The following ITK variants were observed in gnomAD, a reference collection of about 807,000 sequenced individuals.
ITK encodes IL2 inducible T cell kinase, also known as tyrosine-protein kinase ITK/TSK.
ITK carries 45 observed loss-of-function variants against 87.6 expected under a neutral mutation model. The observed-to-expected ratio is 0.51, with a 90% CI of 0.40 to 0.66. ITK has a LOEUF of 0.66. Among genes scored for constraint, ITK ranks in the 30% least tolerant of loss-of-function variants. ITK has a pLI of 0.00. For synonymous variants in ITK, 303 were observed against 273.6 expected (o/e 1.11, Z -1.06); for missense variants, 605 against 766.3 (o/e 0.79, Z 2.48).
At chr5:157,234,066 C>T (rs552516361) in intron 8 of ITK, among the ~76,000 whole-genome samples, 35 of 143,432 alleles carry the variant, frequency 2.4e-4, no homozygotes, top group East Asian at 4.2e-4. Flanking sequence ...CTGCAACCTC[C>T]GCTGCCTGGG....
intron 3 of ITK, chr5:157,213,825 A>G (rs548746502): frequency 5.5e-6 from 2 of 361,814 alleles, no homozygotes; most frequent in South Asian, 2.3e-5. Context: ...GGGGGTGGTA[A>G]TTCCACCTTC....
intron 8 of ITK, 112 bp from the exon 9 acceptor site, chr5:157,237,997 A>G (rs1754811352): frequency 2.6e-6 from 2 of 769,688 alleles, no homozygotes; most frequent in Admixed American, 1.9e-5. Flanking sequence ...AATCTGCTCT[A>G]TGCCAAGTGG....
intron 8 of ITK, among the ~76,000 whole-genome samples, chr5:157,234,414 T>C (rs1320834339): frequency 6.6e-6 from 1 of 152,222 alleles, no homozygotes; most frequent in Admixed American, 6.5e-5. Context: ...TTTCTTGCTA[T>C]TTTTCACTTT....
intron 1 of ITK, among the ~76,000 whole-genome samples, chr5:157,196,545 G>C (rs1753858643): frequency 6.6e-6 from 1 of 152,100 alleles, no homozygotes; most frequent in African/African-American, 2.4e-5. Context: ...GGGCAGACTA[G>C]TTTTAACCTA....
intron 4 of ITK, among the ~76,000 whole-genome samples, chr5:157,217,596 CAGAA>C (rs908337614): frequency 1.3e-5 from 2 of 152,124 alleles, no homozygotes; most frequent in African/African-American, 4.8e-5. Context: ...CCTGGGAATA[CAGAA>C]AGAGAGGGCC....
chr5:157,196,065 A>G (rs573071898), intron 1 of ITK, among the ~76,000 whole-genome samples: 85 of 152,336 alleles, frequency 5.6e-4, no homozygotes, highest in Non-Finnish European at 3.8e-4. Flanking sequence ...TCTAGTGGGT[A>G]GAAGCTGAGG....
chr5:157,181,896 T>C (rs1228385909), intron 1 of ITK, among the ~76,000 whole-genome samples: 1 of 152,232 alleles, frequency 6.6e-6, no homozygotes, highest in Admixed American at 6.5e-5. Flanking sequence ...ATCCTAATAA[T>C]GTAGTTTGGT....
At chr5:157,213,582 A>G (rs990454070) in intron 3 of ITK, 2 of 454,156 alleles carry the variant, frequency 4.4e-6, no homozygotes, top group Non-Finnish European at 8.8e-6. Flanking sequence ...GGGTCTCGCT[A>G]TGTTGCCTAG....
chr5:157,230,829 T>C (rs961352610), intron 7 of ITK, among the ~76,000 whole-genome samples: 8 of 152,050 alleles, frequency 5.3e-5, no homozygotes, highest in African/African-American at 1.9e-4. Context: ...ATAAAAAAAG[T>C]CATTCACCCA....
chr5:157,222,658 T>C, intron 5 of ITK: 1 of 597,770 alleles, frequency 1.7e-6, no homozygotes, highest in South Asian at 1.9e-5. Context: ...TGGAATTCAC[T>C]GTGGTCAGAA....
chr5:157,188,792 ATTTCCCATCT>A (rs1386849383), intron 1 of ITK, among the ~76,000 whole-genome samples: 13 of 152,072 alleles, frequency 8.5e-5, no homozygotes, highest in African/African-American at 2.9e-4. Context: ...TTGTTGATTT[ATTTCCCATCT>A]CTTCAAAGCA....
At chr5:157,223,842 G>A (rs1159448409) in intron 6 of ITK, among the ~76,000 whole-genome samples, 1 of 152,094 alleles carries the variant, frequency 6.6e-6, no homozygotes, top group Non-Finnish European at 1.5e-5. Flanking sequence ...CAAGGTATGA[G>A]GTTATTATTA....
chr5:157,222,797 G>A (rs1291674347), intron 5 of ITK, 66 bp from the exon 6 acceptor site: 32 of 1,524,806 alleles, frequency 2.1e-5, no homozygotes, highest in East Asian at 9.0e-5. Context: ...CAGACACCCC[G>A]ATGAAAGGAG....
Position 157,222,938 on chromosome 5 carries a change from GCAC to G in ITK, c.572_574del (p.Ala191_Leu192delinsVal). On this transcript the variant is annotated inframe_deletion, in exon 6 of 17. Transcript: ENST00000422843. Reference sequence around the variant, plus strand: ...CCAAACCAATGATCCTCAGGAACTCGCACTGCGGCGCAACGAAGAGTACTGCCT... The same window carrying G: ...CCAAACCAATGATCCTCAGGAACTCGTGCGGCGCAACGAAGAGTACTGCCT... The G allele has an allele frequency of 6.2e-7, 1 of 1,614,058 alleles. No individual in the cohort carries two copies. The highest frequency in any genetic ancestry group is 8.5e-7 in the Non-Finnish European group (1 of 1,180,012).
intron 8 of ITK, among the ~76,000 whole-genome samples, 195 bp downstream of exon 8, chr5:157,232,589 G>A (rs993722127): frequency 3.0e-5 from 4 of 133,610 alleles, no homozygotes; most frequent in Non-Finnish European, 3.2e-5. Flanking sequence ...AAAGAAGAAA[G>A]AGAGGAAGGG....
rs1754734096 is a variant in ITK, at chr5:157,234,391, A to G, written c.768+1997A>G. Among the ~76,000 whole-genome samples the G allele has an allele frequency of 3.9e-5, 6 of 152,142 alleles. No homozygotes were observed. The South Asian group carries it at 1.2e-3, about 31-fold the overall frequency. On this transcript the variant is annotated intron_variant, in intron 8 of 16. Coordinates refer to ENST00000422843, the MANE Select transcript of ITK (RefSeq NM_005546.4). ...CAGACTCAGCCCAGATTCTGGATAG[A>G]ATTGAATGACATTTTCTTGCTATTT...
At chr5:157,194,159 T>A (rs988049521) in intron 1 of ITK, among the ~76,000 whole-genome samples, 4 of 152,146 alleles carry the variant, frequency 2.6e-5, no homozygotes, top group African/African-American at 9.7e-5. Context: ...GTTACCCAAG[T>A]AGAATTACAT....
In ITK at chr5:157,254,544, C is replaced by T. The variant is rs111629533; in HGVS notation, c.*1866C>T. On this transcript the variant is annotated 3_prime_UTR_variant, in exon 17 of 17. Transcript: ENST00000422843. ...AATTGGCTCTTTCTAAATCATGTGA[C>T]GTTTTGACTGGCTTGAGATTCAGAT... 2.7e-3 allele frequency: 605 copies of T among 220,424 alleles called. 2 individuals are homozygous for T. Among genetic ancestry groups the T allele is most frequent in the East Asian group, 0.016 (238 of 14,974 alleles). The allele number at this position is 220,424 out of a possible 1,614,324, so 13.7% of individuals were successfully genotyped here. A position where few individuals can be genotyped will look rare whatever the true frequency, so the allele number is the denominator to read the frequency against.
chr5:157,228,819 G>T (rs1488737989), intron 7 of ITK, among the ~76,000 whole-genome samples: 1 of 152,000 alleles, frequency 6.6e-6, no homozygotes, highest in South Asian at 2.1e-4. Flanking sequence ...GTAGAGACAG[G>T]ATCTCACTAG....
Sources: allele counts gnomAD v4.1 joint callset (sites outside exome capture counted in the v4.1 genomes callset), GRCh38; gene constraint gnomAD v4.1.1; transcripts MANE v1.5; gene names NCBI Gene and HGNC (gene_info 2026-07-23, HGNC 2026-07-21).